The following FCHSD2 variants were observed in gnomAD, a reference collection of about 807,000 sequenced individuals.
FCHSD2 encodes FCH and double SH3 domains 2, also known as F-BAR and double SH3 domains protein 2.
In FCHSD2, 38 loss-of-function variants were observed where a neutral mutation model predicts 108.1. The ratio of observed to expected loss-of-function variants is 0.35; its 90% CI spans 0.27 to 0.46. The LOEUF (loss-of-function observed/expected upper bound fraction) is 0.46. Ranked by LOEUF, FCHSD2 falls within the 20% of genes least tolerant of loss-of-function variation. The pLI, the probability that FCHSD2 is intolerant of heterozygous loss-of-function variation, is 1.00. For missense variants in FCHSD2, 751 were observed against 897.8 expected, an observed-to-expected ratio of 0.84 and a Z score of 2.09; for synonymous variants, 279 against 314.7, an observed-to-expected ratio of 0.89 and a Z score of 1.20.
intron 9 of FCHSD2, among the ~76,000 whole-genome samples, chr11:72,903,114 C>A (rs1489564648): frequency 1.3e-5 from 2 of 152,230 alleles, no homozygotes; most frequent in Non-Finnish European, 2.9e-5. Flanking sequence ...GAGTATTTCT[C>A]AGCACCTTCT....
chr11:73,096,814 G>T (rs1860088670), intron 2 of FCHSD2, among the ~76,000 whole-genome samples: 1 of 150,222 alleles, frequency 6.7e-6, no homozygotes, highest in Non-Finnish European at 1.5e-5. Context: ...GGGACAGCAT[G>T]AGACCTTGTC....
intron 19 of FCHSD2, among the ~76,000 whole-genome samples, chr11:72,840,151 T>C (rs1190676985): frequency 1.3e-5 from 2 of 152,142 alleles, no homozygotes; most frequent in Admixed American, 1.3e-4. Context: ...TTAGCTGCCA[T>C]AGCGATGCTT....
chr11:73,053,134 C>T, intron 3 of FCHSD2, among the ~76,000 whole-genome samples: 1 of 148,430 alleles, frequency 6.7e-6, no homozygotes. Flanking sequence ...GAGTGAGCCA[C>T]TGCACCCAGC....
intron 3 of FCHSD2, among the ~76,000 whole-genome samples, chr11:73,060,732 G>A (rs1054505035): frequency 6.6e-6 from 1 of 152,120 alleles, no homozygotes; most frequent in Non-Finnish European, 1.5e-5. Flanking sequence ...TTTCCCCTGG[G>A]CCAGAAAAGC....
intron 4 of FCHSD2, among the ~76,000 whole-genome samples, chr11:73,011,643 T>C (rs543479941): frequency 1.2e-4 from 19 of 152,218 alleles, no homozygotes; most frequent in African/African-American, 4.6e-4. Flanking sequence ...CTTGGTGTAG[T>C]GCCATCACAC....
chr11:73,135,830 G>A (rs569105420), intron 2 of FCHSD2, among the ~76,000 whole-genome samples: 1 of 152,214 alleles, frequency 6.6e-6, no homozygotes, highest in Admixed American at 6.5e-5. Flanking sequence ...ATCATAATTG[G>A]TCTCCTCCCC....
intron 8 of FCHSD2, among the ~76,000 whole-genome samples, chr11:72,936,895 A>G (rs1337452765): frequency 6.6e-6 from 1 of 152,168 alleles, no homozygotes; most frequent in African/African-American, 2.4e-5. Context: ...GGCGATTTAA[A>G]ATCTTTGTCT....
At chr11:73,038,098 A>C (rs967865606) in intron 3 of FCHSD2, among the ~76,000 whole-genome samples, 2 of 152,224 alleles carry the variant, frequency 1.3e-5, no homozygotes, top group South Asian at 2.1e-4. Context: ...ATCACTAAAA[A>C]ATTCTTATGA....
intron 8 of FCHSD2, among the ~76,000 whole-genome samples, chr11:72,923,306 G>A (rs1856010362): frequency 6.6e-6 from 1 of 151,990 alleles, no homozygotes; most frequent in African/African-American, 2.4e-5. Flanking sequence ...CATTTCTCTT[G>A]GGAATATACC....
chr11:72,961,176 TA>T (rs111678355), intron 8 of FCHSD2, among the ~76,000 whole-genome samples: 3,369 of 152,264 alleles, frequency 0.022, 126 homozygotes, highest in African/African-American at 0.075. Flanking sequence ...GCTCTACAAG[TA>T]TATCAAATCC....
chr11:72,863,841 A>G (rs1002518894), intron 13 of FCHSD2, among the ~76,000 whole-genome samples: 2 of 152,228 alleles, frequency 1.3e-5, no homozygotes, highest in Non-Finnish European at 2.9e-5. Flanking sequence ...GTAAGTACTG[A>G]TAAGGTTGTG....
At chr11:72,976,868 T>A (rs918602045) in intron 8 of FCHSD2, among the ~76,000 whole-genome samples, 1 of 151,554 alleles carries the variant, frequency 6.6e-6, no homozygotes, top group East Asian at 1.9e-4. Flanking sequence ...TCTCTCACCA[T>A]ATACAAAAAT....
intron 5 of FCHSD2, among the ~76,000 whole-genome samples, chr11:72,991,982 T>C (rs1441602849): frequency 2.6e-5 from 4 of 152,284 alleles, no homozygotes; most frequent in Admixed American, 1.3e-4. Flanking sequence ...TCCCTGTTTG[T>C]AGATGACATG....
At chr11:72,842,492 GAC>G in intron 17 of FCHSD2, 127 bp downstream of exon 17, 1 of 1,101,942 alleles carries the variant, frequency 9.1e-7, no homozygotes, top group Non-Finnish European at 1.3e-6. Flanking sequence ...CAGTTGTGCA[GAC>G]ACTGGCAACC....
At chr11:73,115,374 G>A (rs1156719235) in intron 2 of FCHSD2, among the ~76,000 whole-genome samples, 1 of 152,170 alleles carries the variant, frequency 6.6e-6, no homozygotes. Flanking sequence ...TAGCAGAGAT[G>A]GGGTTTCACT....
At chr11:73,070,031 CG>C (rs1426249463) in intron 3 of FCHSD2, among the ~76,000 whole-genome samples, 1 of 151,908 alleles carries the variant, frequency 6.6e-6, no homozygotes, top group East Asian at 1.9e-4. Context: ...TTCCAGGTGG[CG>C]AAAGTAAAAA....
rs189859425 is a variant in FCHSD2 at position 73,077,653 on chromosome 11, T to C, written c.165+6042A>G. 2.3e-4 allele frequency: 102 copies of C among 436,430 alleles called. 1 individual carries two copies. The East Asian group carries it at 7.3e-3, about 31-fold the overall frequency. The allele number at this position is 436,430 out of a possible 1,614,324, so 27.0% of individuals were successfully genotyped here. A position where few individuals can be genotyped will look rare whatever the true frequency, so the allele number is the denominator to read the frequency against. ...ACAGGAAAATGGATAAACTGTGGTA[T>C]ATCCATACAATGGAATACTACACAG... On this transcript the variant is annotated intron_variant, in intron 3 of 19. Transcript: ENST00000409418.
At chr11:72,922,035 T>A in intron 8 of FCHSD2, 85 bp from the exon 9 acceptor site, 1 of 898,344 alleles carries the variant, frequency 1.1e-6, no homozygotes, top group Non-Finnish European at 1.7e-6. Context: ...AAAGTAGGTA[T>A]GTTCAGTTTA....
chr11:72,954,350 A>T (rs1173375336), intron 8 of FCHSD2, among the ~76,000 whole-genome samples: 1 of 151,856 alleles, frequency 6.6e-6, no homozygotes. Context: ...CTGGGACCAC[A>T]GGTGCATGCC....
Sources: gnomAD v4.1 joint callset for allele counts (sites outside exome capture counted in the v4.1 genomes callset) on GRCh38, gnomAD v4.1.1 for gene constraint, MANE v1.5 for transcripts, NCBI Gene and HGNC (gene_info 2026-07-23, HGNC 2026-07-21) for gene names.